The following POU2F3 variants were observed in gnomAD, a reference collection of about 807,000 sequenced individuals.
POU2F3 encodes the protein POU class 2 homeobox 3.
A neutral mutation model predicts 59.2 loss-of-function variants in POU2F3; 23 were observed. That is an observed-to-expected ratio of 0.39 (90% CI 0.28 to 0.55). The LOEUF (loss-of-function observed/expected upper bound fraction) is 0.55. POU2F3 is among the 20% of genes least tolerant of loss of function. The probability of loss-of-function intolerance (pLI) is 0.66; values close to 1 mark genes in which losing one functional copy is unlikely to be tolerated. For synonymous variants in POU2F3, 190 were observed against 214.6 expected (o/e 0.89, Z 1.00); for missense variants, 473 against 544.5 (o/e 0.87, Z 1.31).
At chr11:120,286,809 T>A (rs10790374) in intron 3 of POU2F3, among the ~76,000 whole-genome samples, 1 of 151,948 alleles carries the variant, frequency 6.6e-6, no homozygotes, top group East Asian at 1.9e-4. Flanking sequence ...CCCTTCCTGC[T>A]ATATGTTTGA....
chr11:120,268,841 C>CT (rs1018848075), intron 2 of POU2F3, among the ~76,000 whole-genome samples: 18 of 152,248 alleles, frequency 1.2e-4, no homozygotes, highest in African/African-American at 3.9e-4. Flanking sequence ...TTCTTGGTCC[C>CT]TTGGTCCCTG....
At chr11:120,244,614 G>C (rs754960690) in intron 1 of POU2F3, among the ~76,000 whole-genome samples, 15 of 152,188 alleles carry the variant, frequency 9.9e-5, no homozygotes, top group Non-Finnish European at 2.9e-5. Flanking sequence ...CCACCAGTGG[G>C]GGAGAACTTC....
At chr11:120,253,262 ATT>A (rs34929989) in intron 2 of POU2F3, among the ~76,000 whole-genome samples, 2 of 143,634 alleles carry the variant, frequency 1.4e-5, no homozygotes, top group Non-Finnish European at 1.5e-5. Context: ...AACATTTTTA[ATT>A]TTTTTTTTTT....
intron 2 of POU2F3, among the ~76,000 whole-genome samples, chr11:120,260,744 C>T (rs981526705): frequency 5.3e-5 from 8 of 152,106 alleles, no homozygotes; most frequent in Admixed American, 2.0e-4. Flanking sequence ...TAAGTTGGGT[C>T]TTCGATGAGT....
Position 120,240,396 on chromosome 11 carries a change from T to C in POU2F3, c.28+25T>C, listed in dbSNP as rs756741905. ...GGTGAGGGGCGGAGGGAATGAGCTCTGACAGGTGTCACTGCGCGTGGGCAG... is the reference window on the plus strand; with the variant it reads ...GGTGAGGGGCGGAGGGAATGAGCTCCGACAGGTGTCACTGCGCGTGGGCAG... On this transcript the variant is annotated intron_variant, in intron 1 of 12. Transcript: ENST00000543440. 1.4e-5 allele frequency: 19 copies of C among 1,403,524 alleles called. No homozygotes were observed. In the Admixed American group the frequency reaches 4.5e-4, roughly 33 times the overall value. The allele number at this position is 1,403,524 out of a possible 1,614,324, so 86.9% of individuals were successfully genotyped here. A position where few individuals can be genotyped will look rare whatever the true frequency, so the allele number is the denominator to read the frequency against.
At chr11:120,242,013 G>C (rs1040554824) in intron 1 of POU2F3, among the ~76,000 whole-genome samples, 2 of 152,132 alleles carry the variant, frequency 1.3e-5, no homozygotes, top group African/African-American at 2.4e-5. Context: ...CGACACATGG[G>C]GGGAGACTGA....
chr11:120,274,319 G>A (rs1257307084), intron 3 of POU2F3, among the ~76,000 whole-genome samples: 4 of 152,156 alleles, frequency 2.6e-5, no homozygotes, highest in African/African-American at 9.7e-5. Flanking sequence ...GTTATTGTGA[G>A]GGTCAAATGA....
At chr11:120,305,857 T>A in intron 8 of POU2F3, 72 bp downstream of exon 8, 1 of 1,560,178 alleles carries the variant, frequency 6.4e-7, no homozygotes, top group Non-Finnish European at 8.7e-7. Context: ...CTTGTCGTGT[T>A]GGGGCTTTTG....
intron 8 of POU2F3, 82 bp from the exon 9 acceptor site, chr11:120,307,397 G>A: frequency 6.6e-7 from 1 of 1,510,252 alleles, no homozygotes; most frequent in Non-Finnish European, 9.1e-7. Flanking sequence ...CATCGGGAAG[G>A]GTTGTTGGAC....
At chr11:120,284,905 TC>T (rs1193558828) in intron 3 of POU2F3, among the ~76,000 whole-genome samples, 1 of 152,222 alleles carries the variant, frequency 6.6e-6, no homozygotes, top group African/African-American at 2.4e-5. Flanking sequence ...GCTGTCTTCC[TC>T]CTTTTAATCC....
chr11:120,282,700 A>G (rs1047544672), intron 3 of POU2F3, among the ~76,000 whole-genome samples: 2 of 152,380 alleles, frequency 1.3e-5, no homozygotes, highest in South Asian at 2.1e-4. Context: ...GAATATTTTC[A>G]GAGATCAAAG....
chr11:120,293,336 A>C (rs956201687), intron 3 of POU2F3, among the ~76,000 whole-genome samples: 1 of 152,216 alleles, frequency 6.6e-6, no homozygotes, highest in African/African-American at 2.4e-5. Context: ...CCAAGCAAAA[A>C]TGCAGCCGGT....
At chr11:120,281,361 G>A (rs1314618285) in intron 3 of POU2F3, among the ~76,000 whole-genome samples, 1 of 151,870 alleles carries the variant, frequency 6.6e-6, no homozygotes, top group Non-Finnish European at 1.5e-5. Context: ...ACGGTTGACT[G>A]GCCTGCAACT....
Position 120,299,658 on chromosome 11 carries a change from TGC to T in POU2F3, c.294_295del (p.Leu99GlyfsTer85). On this transcript the variant is annotated frameshift_variant, in exon 5 of 13. Transcript: ENST00000543440. LOFTEE classifies it high-confidence loss of function. ...TCCCTCCATCCGCTCCAGCAGCTTG[TGC>T]TGGTTCCCGGCCACTTACAGTCTGT... The T allele has an allele frequency of 6.2e-7, 1 of 1,613,968 alleles. No individual in the cohort carries two copies. Among genetic ancestry groups the T allele is most frequent in the Non-Finnish European group, 8.5e-7 (1 of 1,180,006 alleles).
chr11:120,263,751 TG>T (rs550061344), intron 2 of POU2F3, among the ~76,000 whole-genome samples: 44 of 152,328 alleles, frequency 2.9e-4, no homozygotes, highest in Admixed American at 7.8e-4. Context: ...ATAATGCTGC[TG>T]GCCATATGTG....
In POU2F3 at chr11:120,318,684, C is replaced by A; in HGVS notation, c.*292C>A. 1 of 340,568 alleles carries A rather than the reference C, an allele frequency of 2.9e-6. No individual in the cohort carries two copies. Among genetic ancestry groups the A allele is most frequent in the Non-Finnish European group, 5.3e-6 (1 of 189,880 alleles). The allele number at this position is 340,568 out of a possible 1,614,324, so 21.1% of individuals were successfully genotyped here. The stretch of plus-strand genomic sequence containing the variant: ...TTCTAGTTCCAAATATTTTAGCCAG[C>A]TTCACTGTGGCAATAGTCTTTCAGA... On this transcript the variant is annotated 3_prime_UTR_variant, in exon 13 of 13. Coordinates refer to ENST00000543440, the MANE Select transcript of POU2F3 (RefSeq NM_014352.4).
chr11:120,299,571 T>A (rs1181648310), intron 4 of POU2F3, 53 bp from the exon 5 acceptor site: 3 of 1,523,802 alleles, frequency 2.0e-6, no homozygotes, highest in Admixed American at 3.5e-5. Context: ...CAGATGGGGC[T>A]GATGTCCCCA....
At chr11:120,309,174 C>A (rs1182676782) in intron 9 of POU2F3, among the ~76,000 whole-genome samples, 1 of 152,046 alleles carries the variant, frequency 6.6e-6, no homozygotes. Flanking sequence ...CACACATTTT[C>A]TCATTTAATT....
At chr11:120,247,130 A>C (rs1000895046) in intron 2 of POU2F3, among the ~76,000 whole-genome samples, 1 of 152,256 alleles carries the variant, frequency 6.6e-6, no homozygotes, top group Admixed American at 6.5e-5. Flanking sequence ...AAGAATTAAA[A>C]AAGAGAGTTT....
Sources: allele counts gnomAD v4.1 joint callset (sites outside exome capture counted in the v4.1 genomes callset), GRCh38; gene constraint gnomAD v4.1.1; transcripts MANE v1.5; gene names NCBI Gene and HGNC (gene_info 2026-07-23, HGNC 2026-07-21).